The following ENGASE variants were observed in gnomAD, a reference collection of about 807,000 sequenced individuals.
ENGASE encodes the protein endo-beta-N-acetylglucosaminidase, also known as cytosolic endo-beta-N-acetylglucosaminidase.
In ENGASE, 69 loss-of-function variants were observed where a neutral mutation model predicts 78.5. That is an observed-to-expected ratio of 0.88 (90% CI 0.72 to 1.07). The LOEUF (loss-of-function observed/expected upper bound fraction) is 1.07. ENGASE is among the 50% of genes least tolerant of loss of function. The probability of loss-of-function intolerance (pLI) is 0.00; values close to 1 mark genes in which losing one functional copy is unlikely to be tolerated. For synonymous variants in ENGASE, 408 were observed against 408.9 expected, an observed-to-expected ratio of 1.00 and a Z score of 0.03; for missense variants, 943 against 988.4, an observed-to-expected ratio of 0.95 and a Z score of 0.62.
In ENGASE at chr17:79,082,825, C is replaced by T. The variant is rs1156689298; in HGVS notation, c.1039-195C>T. On this transcript the variant is annotated intron_variant, in intron 7 of 13. Transcript: ENST00000579016. ...AGCAGCGCTGACCGCCTCTCCCGCG[C>T]CCTCTTCTGGCGGGCTTGTGGAACG... The T allele has an allele frequency of 2.6e-6, 4 of 1,522,232 alleles. No homozygotes were observed. The African/African-American group carries it at 5.5e-5, about 21-fold the overall frequency. The allele number at this position is 1,522,232 out of a possible 1,614,324, so 94.3% of individuals were successfully genotyped here.
In ENGASE at chr17:79,083,408, C is replaced by A; in HGVS notation, c.1143-74C>A. ...GTGCAGGAGAGCCTCGAGTTTCCAC[C>A]AGCAAGTTTGAGGGACACTGAGAGG... On this transcript the variant is annotated intron_variant, in intron 8 of 13. Transcript: ENST00000579016. This position sits in a 1 kb window ranked among gnomAD's most constrained non-coding sequence, Gnocchi z 4.9. The A allele has an allele frequency of 8.3e-7, 1 of 1,200,158 alleles. No homozygotes were observed. The highest frequency in any genetic ancestry group is 1.2e-6 in the Non-Finnish European group (1 of 828,074). The allele number at this position is 1,200,158 out of a possible 1,614,324, so 74.3% of individuals were successfully genotyped here.
At chr17:79,082,319 G>C in intron 7 of ENGASE, 1 of 1,382,012 alleles carries the variant, frequency 7.2e-7, no homozygotes, top group Non-Finnish European at 9.5e-7. Flanking sequence ...GAGGCGCGTC[G>C]TTCCCCCGCT....
rs1267473564 is a variant in ENGASE, at chr17:79,083,153, C to T, written c.1142+30C>T. The T allele has an allele frequency of 1.3e-6, 2 of 1,507,996 alleles. No homozygotes were observed. Among genetic ancestry groups the T allele is most frequent in the Non-Finnish European group, 9.2e-7 (1 of 1,087,382 alleles). The allele number at this position is 1,507,996 out of a possible 1,614,324, so 93.4% of individuals were successfully genotyped here. A position where few individuals can be genotyped will look rare whatever the true frequency, so the allele number is the denominator to read the frequency against. ...GTCCTGCTGTCCTGGGTGCTTAGTG[C>T]AGGCTGATGGGAGGGAGGGGTTTCT... On this transcript the variant is annotated intron_variant, in intron 8 of 13. Coordinates refer to ENST00000579016, the MANE Select transcript of ENGASE (RefSeq NM_001042573.3). The surrounding 1 kb of genome is among the most constrained non-coding windows in gnomAD (Gnocchi z 4.9).
At chr17:79,077,567 C>T in intron 2 of ENGASE, 70 bp downstream of exon 2, 2 of 1,544,822 alleles carry the variant, frequency 1.3e-6, no homozygotes, top group Non-Finnish European at 8.8e-7. Flanking sequence ...TCAGCCCCTG[C>T]CCCCTCTCAT....
In ENGASE at chr17:79,075,049, G is replaced by A. The variant is rs1166209116; in HGVS notation, c.105G>A (p.Glu35=). 98 of 1,204,000 alleles carry A rather than the reference G, an allele frequency of 8.1e-5. No homozygotes were observed. The highest frequency in any genetic ancestry group is 9.9e-5 in the Non-Finnish European group (96 of 966,768). The allele number at this position is 1,204,000 out of a possible 1,614,324, so 74.6% of individuals were successfully genotyped here. The change falls in exon 1 of 14, where the codon GAG becomes GAA. Residue 35 remains glutamate (E), a synonymous_variant. Transcript: ENST00000579016. ...APEAGTQEEQ[E]DQEPRPRRRR... ...AGGCGGGGACGCAGGAGGAGCAGGA[G>A]GATCAGGAGCCGCGGCCGCGGCGGC...
In ENGASE at chr17:79,074,879, T is replaced by C; in HGVS notation, c.-66T>C. 8.1e-7 allele frequency: 1 copy of C among 1,229,538 alleles called. No homozygotes were observed. Among genetic ancestry groups the C allele is most frequent in the African/African-American group, 1.5e-5 (1 of 64,566 alleles). The allele number at this position is 1,229,538 out of a possible 1,614,324, so 76.2% of individuals were successfully genotyped here. ...GGCGTCAGCGCTGCGCACTTCCCAT[T>C]GGCCGAGCGCGGCGCGGGGGCGGGC... On this transcript the variant is annotated 5_prime_UTR_variant, in exon 1 of 14. Coordinates refer to ENST00000579016, the MANE Select transcript of ENGASE (RefSeq NM_001042573.3).
chr17:79,086,016 C>T lies in ENGASE; in HGVS notation c.1899C>T (p.Ala633=), dbSNP rs751509552. 6.2e-7 allele frequency: 1 copy of T among 1,612,466 alleles called. No individual in the cohort carries two copies. The highest frequency in any genetic ancestry group is 1.1e-5 in the South Asian group (1 of 91,086). The part of the protein sequence containing the change: ...TISHIRWQPS[A]SEREGPPALL... Reference sequence around the variant, plus strand: ...CTCACATCCGCTGGCAGCCATCCGCCTCTGAGCGGGAGGGGCCCCCTGCTC... The same window carrying T: ...CTCACATCCGCTGGCAGCCATCCGCTTCTGAGCGGGAGGGGCCCCCTGCTC... Residue 633 remains alanine (A), a synonymous_variant, in exon 14 of 14, where the codon GCC becomes GCT. Coordinates refer to ENST00000579016, the MANE Select transcript of ENGASE (RefSeq NM_001042573.3).
intron 12 of ENGASE, 96 bp from the exon 13 acceptor site, chr17:79,085,524 T>C (rs1404281593): frequency 6.5e-7 from 1 of 1,529,454 alleles, no homozygotes; most frequent in Non-Finnish European, 8.9e-7. Context: ...GACCCTGGGA[T>C]GCATCTCCCT....
chr17:79,078,917 A>G (rs2073038130), intron 3 of ENGASE, among the ~76,000 whole-genome samples: 1 of 152,108 alleles, frequency 6.6e-6, no homozygotes, highest in African/African-American at 2.4e-5. Flanking sequence ...TCCCTTGTTC[A>G]TTGGCTCACA....
chr17:79,080,799 T>C, intron 5 of ENGASE, 126 bp from the exon 6 acceptor site: 1 of 1,333,758 alleles, frequency 7.5e-7, no homozygotes, highest in Non-Finnish European at 1.0e-6. Context: ...GGAGGGCCTT[T>C]CAGAACTGCA....
In ENGASE at chr17:79,083,854, G is replaced by T. The variant is rs1472243813; in HGVS notation, c.1345G>T (p.Val449Leu). 1 of 1,612,914 alleles carries T rather than the reference G, an allele frequency of 6.2e-7. No homozygotes were observed. Among genetic ancestry groups the T allele is most frequent in the Non-Finnish European group, 8.5e-7 (1 of 1,179,852 alleles). Residue 449 changes from valine (V) to leucine (L), a missense_variant, in exon 10 of 14, where the codon GTG becomes TTG. Val to Leu is a conservative substitution (Grantham distance 32, BLOSUM62 1). Transcript: ENST00000579016. The surrounding 1 kb of genome is among the most constrained non-coding windows in gnomAD (Gnocchi z 4.9). Reference protein sequence around the residue: ...HRLGGDGRGWVRTHCCLEDAW... With the variant: ...HRLGGDGRGWLRTHCCLEDAW... Reference sequence around the variant, plus strand: ...GCTGGGAGGGGATGGCCGGGGCTGGGTGAGGACGCACTGCTGCCTGGAGGA... The same window carrying T: ...GCTGGGAGGGGATGGCCGGGGCTGGTTGAGGACGCACTGCTGCCTGGAGGA...
At chr17:79,078,988 C>A (rs2073040941) in intron 3 of ENGASE, among the ~76,000 whole-genome samples, 1 of 152,232 alleles carries the variant, frequency 6.6e-6, no homozygotes. Flanking sequence ...CCGGTCAGAG[C>A]ACTCTGCCTG....
chr17:79,079,767 G>A, intron 4 of ENGASE, 130 bp downstream of exon 4: 1 of 1,227,548 alleles, frequency 8.1e-7, no homozygotes, highest in Non-Finnish European at 1.1e-6. Flanking sequence ...GGCCGCCTTG[G>A]TCGGCTAGGA....
In ENGASE at chr17:79,085,266, C is replaced by T. The variant is rs760566508; in HGVS notation, c.1624C>T (p.Leu542Phe). The T allele has an allele frequency of 2.8e-5, 45 of 1,613,482 alleles. No homozygotes were observed. In the African/African-American group the frequency reaches 6.0e-4, roughly 22 times the overall value. ...AAGCTCAAGACACAGCCTCCGACCCCTCCGGGTGCCCCCCACCAAGCTGGC... is the reference window on the plus strand; with the variant it reads ...AAGCTCAAGACACAGCCTCCGACCCTTCCGGGTGCCCCCCACCAAGCTGGC... ...ETSSRHSLRP[L>F]RVPPTKLARW... The change falls in exon 12 of 14, where the codon CTC (leucine) becomes TTC (phenylalanine). Residue 542 changes from leucine to phenylalanine, a missense_variant. Transcript: ENST00000579016.
At position 79,085,753 on chromosome 17, in the gene ENGASE, G is replaced by A; in HGVS notation, c.1815+19G>A. ...GATCCAGGTGATGCTTCCCAGAGGG[G>A]CTCGGGCTGGGCTGGCTGTTTGTCC... On this transcript the variant is annotated intron_variant, in intron 13 of 13. Transcript: ENST00000579016. 1.2e-6 allele frequency: 2 copies of A among 1,611,242 alleles called. No homozygotes were observed. Among genetic ancestry groups the A allele is most frequent in the Non-Finnish European group, 1.7e-6 (2 of 1,179,098 alleles).
rs200703027 is a variant in ENGASE at position 79,083,036 on chromosome 17, G to A, written c.1055G>A (p.Arg352Gln). Residue 352 changes from arginine to glutamine, a missense_variant, in exon 8 of 14, where the codon CGA (arginine) becomes CAA (glutamine). Coordinates refer to ENST00000579016, the MANE Select transcript of ENGASE (RefSeq NM_001042573.3). The surrounding 1 kb of genome is among the most constrained non-coding windows in gnomAD (Gnocchi z 4.9). Reference sequence around the variant, plus strand: ...TCTCTTCAGTCGTTGGAGCTGATCCGAAAGCATGGCTTCTCCGTGGCTTTG... The same window carrying A: ...TCTCTTCAGTCGTTGGAGCTGATCCAAAAGCATGGCTTCTCCGTGGCTTTG... ...FDTDKSLELI[R>Q]KHGFSVALFA... 1.6e-4 allele frequency: 256 copies of A among 1,613,888 alleles called. No individual in the cohort carries two copies. Among genetic ancestry groups the A allele is most frequent in the Admixed American group, 4.7e-4 (28 of 59,984 alleles).
rs1037708984 is a variant in ENGASE at position 79,084,655 on chromosome 17, C to T, written c.1560C>T (p.Ser520=). 1.9e-6 allele frequency: 3 copies of T among 1,613,356 alleles called. No homozygotes were observed. Among genetic ancestry groups the T allele is most frequent in the East Asian group, 4.5e-5 (2 of 44,866 alleles). Residue 520 remains serine, a synonymous_variant, in exon 11 of 14, where the codon AGC becomes AGT. Coordinates refer to ENST00000579016, the MANE Select transcript of ENGASE (RefSeq NM_001042573.3). ...ALELTTGDAG[S]CHIGGISVLN... The stretch of plus-strand genomic sequence containing the variant: ...AGCTGACCACAGGGGATGCCGGCAG[C>T]TGCCACATCGGTGGCATCTCAGTGT...
In ENGASE at chr17:79,074,826, G is replaced by C. The variant is rs544865976; in HGVS notation, c.-119G>C. The C allele has an allele frequency of 1.3e-5, 15 of 1,194,126 alleles. No homozygotes were observed. The South Asian group carries it at 5.5e-4, about 44-fold the overall frequency. 74.0% of individuals were successfully genotyped at this position (1,194,126 alleles called of 1,614,324 possible). ...TCCCCGCCGCGCGGCCGCTGGCCGG[G>C]AGTCAGCTCGGAGTCCCGTCCCAGC... On this transcript the variant is annotated 5_prime_UTR_variant, in exon 1 of 14. Coordinates refer to ENST00000579016, the MANE Select transcript of ENGASE (RefSeq NM_001042573.3).
At chr17:79,082,685 A>C (rs2073176244) in intron 7 of ENGASE, 1 of 1,330,686 alleles carries the variant, frequency 7.5e-7, no homozygotes, top group East Asian at 4.7e-5. Flanking sequence ...TCCAATAACT[A>C]AAGAGCCTCT....
Sources: allele counts gnomAD v4.1 joint callset (sites outside exome capture counted in the v4.1 genomes callset), GRCh38; gene constraint gnomAD v4.1.1; non-coding constraint Gnocchi (gnomAD v3.1); transcripts MANE v1.5; gene names NCBI Gene and HGNC (gene_info 2026-07-23, HGNC 2026-07-21).